Variants in LRMDA observed in about 807,000 individuals in gnomAD.
LRMDA encodes leucine rich melanocyte differentiation associated.
Under a neutral mutation model 29.8 loss-of-function variants are expected in LRMDA, and 18 were observed. The observed-to-expected ratio is 0.60, with a 90% confidence interval of 0.42 to 0.90. The LOEUF (loss-of-function observed/expected upper bound fraction) is 0.90. LRMDA is among the 40% of genes least tolerant of loss of function. The probability of loss-of-function intolerance (pLI) is 0.00; values close to 1 mark genes in which losing one functional copy is unlikely to be tolerated. For missense variants in LRMDA, 273 were observed against 273.9 expected (o/e 1.00, Z 0.02); for synonymous variants, 125 against 109.4 (o/e 1.14, Z -0.89).
chr10:76,240,763 GAGATAGATAGATAGATAGAT>G (rs55944717), intron 5 of LRMDA, among the ~76,000 whole-genome samples: 30 of 144,034 alleles, frequency 2.1e-4, no homozygotes, highest in East Asian at 4.1e-4. Flanking sequence ...AAGAAAATGT[GAGATAGATAGATAGATAGAT>G]AGATAGATAG....
At chr10:75,875,065 C>G (rs1004061236) in intron 2 of LRMDA, among the ~76,000 whole-genome samples, 1 of 152,192 alleles carries the variant, frequency 6.6e-6, no homozygotes, top group Non-Finnish European at 1.5e-5. Context: ...CATCCACCAG[C>G]CCCTGGATAA....
intron 2 of LRMDA, among the ~76,000 whole-genome samples, chr10:75,799,875 T>G (rs1316408773): frequency 6.6e-6 from 1 of 152,146 alleles, no homozygotes; most frequent in Non-Finnish European, 1.5e-5. Context: ...CGTTATTTGT[T>G]CAAATACTGT....
chr10:75,978,726 G>A (rs1350322165), intron 2 of LRMDA, among the ~76,000 whole-genome samples: 2 of 152,108 alleles, frequency 1.3e-5, no homozygotes, highest in Non-Finnish European at 2.9e-5. Context: ...ATTTTAGGTG[G>A]CACAAATACA....
chr10:76,197,431 C>G (rs1851349324), intron 5 of LRMDA, among the ~76,000 whole-genome samples: 3 of 152,152 alleles, frequency 2.0e-5, no homozygotes, highest in Admixed American at 6.5e-5. Flanking sequence ...TAGCGGTTAT[C>G]TAAACCAGTG....
At chr10:76,330,508 A>G (rs1190002856) in intron 6 of LRMDA, among the ~76,000 whole-genome samples, 1 of 152,054 alleles carries the variant, frequency 6.6e-6, no homozygotes, top group Non-Finnish European at 1.5e-5. Context: ...GAGAGTGTGA[A>G]TTTTCTAGGT....
rs114226845 is a variant in LRMDA, at chr10:76,261,420, G to A, written c.517-62981G>A. 2.7e-3 allele frequency among the ~76,000 whole-genome samples: 406 copies of A among 151,894 alleles called. 6 individuals carry two copies. The highest frequency in any genetic ancestry group is 9.6e-3 in the African/African-American group (396 of 41,410). ...ATCACCTGGGTCAGACCCACACCTC[G>A]TACCAGGAACTGGGCTCATGTCCAT... On this transcript the variant is annotated intron_variant, in intron 5 of 6. Transcript: ENST00000611255.
intron 4 of LRMDA, among the ~76,000 whole-genome samples, chr10:76,053,731 C>A (rs1035798978): frequency 6.6e-6 from 1 of 152,200 alleles, no homozygotes; most frequent in African/African-American, 2.4e-5. Context: ...CTGTGCACTG[C>A]AGGCATTGGG....
At chr10:76,273,744 C>T (rs1043596420) in intron 5 of LRMDA, among the ~76,000 whole-genome samples, 1 of 152,130 alleles carries the variant, frequency 6.6e-6, no homozygotes, top group Admixed American at 6.6e-5. Flanking sequence ...GAGGCAGGCT[C>T]CTGTGTCCTC....
At chr10:75,475,827 A>G (rs1164251998) in intron 2 of LRMDA, among the ~76,000 whole-genome samples, 1 of 152,192 alleles carries the variant, frequency 6.6e-6, no homozygotes, top group East Asian at 1.9e-4. Context: ...ATGGAGCATG[A>G]AATAAAATGA....
intron 2 of LRMDA, among the ~76,000 whole-genome samples, chr10:75,461,140 C>A (rs1354661838): frequency 1.3e-5 from 2 of 152,104 alleles, no homozygotes; most frequent in Non-Finnish European, 2.9e-5. Context: ...ACACAGGAGT[C>A]TTCAGAAATG....
At chr10:76,038,123 C>G (rs1848282356) in intron 3 of LRMDA, among the ~76,000 whole-genome samples, 1 of 152,156 alleles carries the variant, frequency 6.6e-6, no homozygotes, top group Admixed American at 6.5e-5. Context: ...TGTCCCAGGT[C>G]TCCGTAGAAT....
chr10:75,631,211 C>T (rs74147138), intron 2 of LRMDA, among the ~76,000 whole-genome samples: 1 of 152,114 alleles, frequency 6.6e-6, no homozygotes. Context: ...TTTTAACATG[C>T]CCAAGACCTC....
At position 75,635,729 on chromosome 10, in the gene LRMDA, A is replaced by G. The variant is rs74570481; in HGVS notation, c.131+197235A>G. Among the ~76,000 whole-genome samples, 118 of 152,108 alleles carry G rather than the reference A, an allele frequency of 7.8e-4. 1 individual carries two copies. The highest frequency in any genetic ancestry group is 2.4e-3 in the African/African-American group (99 of 41,510). On this transcript the variant is annotated intron_variant, in intron 2 of 6. Transcript: ENST00000611255. Reference sequence around the variant, plus strand: ...TGCCCACACTTATTTTCCTGATTACATTGTTTGTGCAGAGGCTCCTACCCC... The same window carrying G: ...TGCCCACACTTATTTTCCTGATTACGTTGTTTGTGCAGAGGCTCCTACCCC...
chr10:76,399,446 T>TGA (rs1841824628), intron 6 of LRMDA, among the ~76,000 whole-genome samples: 1 of 152,226 alleles, frequency 6.6e-6, no homozygotes, highest in South Asian at 2.1e-4. Flanking sequence ...TGCCAGGGCA[T>TGA]CCTCATTCCA....
chr10:75,578,046 C>T (rs1162270552), intron 2 of LRMDA, among the ~76,000 whole-genome samples: 2 of 151,624 alleles, frequency 1.3e-5, no homozygotes, highest in South Asian at 4.2e-4. Context: ...CAATATTAAC[C>T]TTAAATGTAA....
At chr10:75,597,031 C>CT (rs1275985922) in intron 2 of LRMDA, among the ~76,000 whole-genome samples, 1 of 151,744 alleles carries the variant, frequency 6.6e-6, no homozygotes, top group Admixed American at 6.6e-5. Flanking sequence ...CCCTCTCCCC[C>CT]TCTCCCTTTC....
chr10:75,823,881 A>G (rs1354366717), intron 2 of LRMDA, among the ~76,000 whole-genome samples: 1 of 152,162 alleles, frequency 6.6e-6, no homozygotes, highest in Non-Finnish European at 1.5e-5. Context: ...TAGTGAAATG[A>G]CTCAGAAACA....
intron 6 of LRMDA, among the ~76,000 whole-genome samples, chr10:76,518,958 C>T (rs967619890): frequency 6.6e-6 from 1 of 152,116 alleles, no homozygotes; most frequent in Non-Finnish European, 1.5e-5. Context: ...ATCACATGTT[C>T]TCTGACTACA....
chr10:76,059,742 G>A (rs557250133), intron 5 of LRMDA, among the ~76,000 whole-genome samples: 1 of 152,326 alleles, frequency 6.6e-6, no homozygotes, highest in Non-Finnish European at 1.5e-5. Context: ...AAACAAAACA[G>A]AACAATGAAA....
Sources: gnomAD v4.1 joint callset for allele counts (sites outside exome capture counted in the v4.1 genomes callset) on GRCh38, gnomAD v4.1.1 for gene constraint, MANE v1.5 for transcripts, NCBI Gene and HGNC (gene_info 2026-07-23, HGNC 2026-07-21) for gene names.